The following ECE2 variants were observed in gnomAD, a reference collection of about 807,000 sequenced individuals.
ECE2 encodes endothelin-converting enzyme 2.
In ECE2, 81 loss-of-function variants were observed where a neutral mutation model predicts 100.6. That is an observed-to-expected ratio of 0.81 (90% CI 0.67 to 0.97). The LOEUF (loss-of-function observed/expected upper bound fraction) is 0.97, where lower values mean the gene tolerates loss of function less well. Ranked by LOEUF, ECE2 falls within the 50% of genes least tolerant of loss-of-function variation. The pLI is 0.00. For synonymous variants in ECE2, 391 were observed against 391.5 expected (o/e 1.00, Z 0.02); for missense variants, 911 against 988.1 (o/e 0.92, Z 1.05).
intron 7 of ECE2, among the ~76,000 whole-genome samples, chr3:184,282,352 T>C (rs980048616): frequency 6.7e-5 from 10 of 150,036 alleles, no homozygotes; most frequent in African/African-American, 2.2e-4. Flanking sequence ...TTAAGGGATC[T>C]AAAACTTCTT....
chr3:184,284,874 G>A (rs1468130483), intron 8 of ECE2, 89 bp from the exon 9 acceptor site: 3 of 1,519,802 alleles, frequency 2.0e-6, no homozygotes, highest in Non-Finnish European at 1.8e-6. Context: ...TATGGCAATG[G>A]GAAGGGCTCC....
chr3:184,287,888 G>T lies in ECE2; in HGVS notation c.1315G>T (p.Gly439Cys). ...TCISNTDDAL[G>C]FALGSLFVKA... Reference sequence around the variant, plus strand: ...CATCTCCAACACGGATGACGCCCTTGGCTTTGCTTTGGGGTCCCTCTTCGT... The same window carrying T: ...CATCTCCAACACGGATGACGCCCTTTGCTTTGCTTTGGGGTCCCTCTTCGT... Residue 439 changes from glycine (G) to cysteine (C), a missense_variant, in exon 11 of 19, where the codon GGC (glycine) becomes TGC (cysteine). By Grantham distance (159) the Gly-to-Cys change is radical. Coordinates refer to ENST00000404464, the MANE Select transcript of ECE2 (RefSeq NM_001100121.2). 1.2e-6 allele frequency: 2 copies of T among 1,614,210 alleles called. No homozygotes were observed. The highest frequency in any genetic ancestry group is 1.7e-6 in the Non-Finnish European group (2 of 1,180,022).
intron 9 of ECE2, 53 bp from the exon 10 acceptor site, chr3:184,285,425 G>A (rs1387658236): frequency 1.5e-6 from 2 of 1,345,074 alleles, no homozygotes; most frequent in East Asian, 2.3e-5. Flanking sequence ...TGGTTTGAGG[G>A]GTGTGAAGGG....
In ECE2 at chr3:184,291,965, G is replaced by C; in HGVS notation, c.2122-97G>C. 7.1e-7 allele frequency: 1 copy of C among 1,402,524 alleles called. No individual in the cohort carries two copies. Among genetic ancestry groups the C allele is most frequent in the Non-Finnish European group, 9.8e-7 (1 of 1,024,788 alleles). The allele number at this position is 1,402,524 out of a possible 1,614,324, so 86.9% of individuals were successfully genotyped here. A position where few individuals can be genotyped will look rare whatever the true frequency, so the allele number is the denominator to read the frequency against. On this transcript the variant is annotated intron_variant, in intron 18 of 18. Coordinates refer to ENST00000404464, the MANE Select transcript of ECE2 (RefSeq NM_001100121.2). This position sits in a 1 kb window ranked among gnomAD's most constrained non-coding sequence, Gnocchi z 4.1. Reference sequence around the variant, plus strand: ...TGGAAGGAACTTGGGAGGGGCTGCAGCGGTGGTGGTTTGTGCCCCTGGGAT... The same window carrying C: ...TGGAAGGAACTTGGGAGGGGCTGCACCGGTGGTGGTTTGTGCCCCTGGGAT...
intron 7 of ECE2, 64 bp from the exon 8 acceptor site, chr3:184,283,721 G>A: frequency 1.9e-6 from 3 of 1,544,682 alleles, no homozygotes; most frequent in Non-Finnish European, 2.6e-6. Flanking sequence ...GTGGTGGTAA[G>A]AACAGATCTC....
intron 13 of ECE2, 108 bp from the exon 14 acceptor site, chr3:184,290,147 G>A (rs1721242522): frequency 3.5e-6 from 3 of 845,968 alleles, no homozygotes; most frequent in Non-Finnish European, 5.6e-6. Flanking sequence ...ATATTTTACA[G>A]TTGAGGAAAC....
chr3:184,284,806 C>T (rs1720961419), intron 8 of ECE2, among the ~76,000 whole-genome samples, 157 bp from the exon 9 acceptor site: 1 of 152,104 alleles, frequency 6.6e-6, no homozygotes, highest in African/African-American at 2.4e-5. Flanking sequence ...TGGAGGTGTC[C>T]AGGCCTGGAA....
chr3:184,277,639 T>C (rs1294061443), intron 4 of ECE2, among the ~76,000 whole-genome samples, 173 bp downstream of exon 4: 1 of 152,082 alleles, frequency 6.6e-6, no homozygotes, highest in African/African-American at 2.4e-5. Flanking sequence ...GCAGATGGGT[T>C]TGATGGGGGC....
At chr3:184,285,377 C>G (rs1261240649) in intron 9 of ECE2, 101 bp from the exon 10 acceptor site, 2 of 993,188 alleles carry the variant, frequency 2.0e-6, no homozygotes, top group East Asian at 4.9e-5. Context: ...TCCACATATG[C>G]CTCTCGGGAC....
At chr3:184,280,509 G>C (rs1256708277) in intron 7 of ECE2, among the ~76,000 whole-genome samples, 1 of 152,166 alleles carries the variant, frequency 6.6e-6, no homozygotes, top group Non-Finnish European at 1.5e-5. Flanking sequence ...GAGTCCTGAA[G>C]AGAGAATAAG....
chr3:184,278,313 G>A lies in ECE2; in HGVS notation c.750G>A (p.Gln250=). 1 of 1,613,824 alleles carries A rather than the reference G, an allele frequency of 6.2e-7. No individual in the cohort carries two copies. Among genetic ancestry groups the A allele is most frequent in the Non-Finnish European group, 8.5e-7 (1 of 1,179,854 alleles). Residue 250 remains glutamine, a splice_region_variant and synonymous_variant, in exon 6 of 19, where the codon CAG becomes CAA. Coordinates refer to ENST00000404464, the MANE Select transcript of ECE2 (RefSeq NM_001100121.2). Reference sequence around the variant, plus strand: ...AGAGTTCCAACAGCAATGTTATCCAGGTGATGAGCTGGGAAAGGGTGGGGA... The same window carrying A: ...AGAGTTCCAACAGCAATGTTATCCAAGTGATGAGCTGGGAAAGGGTGGGGA... The part of the protein sequence containing the change: ...DSKSSNSNVI[Q]VDQSGLFLPS...
In ECE2 at chr3:184,284,001, C is replaced by T. The variant is rs745858545; in HGVS notation, c.1005+28C>T. ...GGGGCAGGCAGGGGGCTGGAGACAA[C>T]TGAGAGGGGCCAGCCTTGGCATGGA... On this transcript the variant is annotated intron_variant, in intron 8 of 18. Coordinates refer to ENST00000404464, the MANE Select transcript of ECE2 (RefSeq NM_001100121.2). The T allele has an allele frequency of 7.4e-6, 12 of 1,610,858 alleles. No individual in the cohort carries two copies. In the South Asian group the frequency reaches 1.2e-4, roughly 16 times the overall value.
At position 184,285,506 on chromosome 3, in the gene ECE2, C is replaced by T. The variant is rs1259056681; in HGVS notation, c.1177C>T (p.Leu393=). ...CCTGAACAATTACCTGATCTGGAAC[C>T]TGGTGCAAAAGACAACCTCAAGCCT... ...SILNNYLIWN[L]VQKTTSSLDR... The change falls in exon 10 of 19, where the codon CTG becomes TTG. Residue 393 remains leucine (L), a synonymous_variant. Coordinates refer to ENST00000404464, the MANE Select transcript of ECE2 (RefSeq NM_001100121.2). 1 of 1,614,168 alleles carries T rather than the reference C, an allele frequency of 6.2e-7. No individual in the cohort carries two copies. Among genetic ancestry groups the T allele is most frequent in the Non-Finnish European group, 8.5e-7 (1 of 1,180,030 alleles).
chr3:184,287,835 A>G lies in ECE2; in HGVS notation c.1264-2A>G, dbSNP rs767461716. ...GGGTCCTGGCTCTTTGTCCTTTAAC[A>G]GTCCTGTGTGCCGAGGTGGCAGACC... On this transcript the variant is annotated splice_acceptor_variant, in intron 10 of 18. Coordinates refer to ENST00000404464, the MANE Select transcript of ECE2 (RefSeq NM_001100121.2). LOFTEE classifies it high-confidence loss of function. 34 of 1,613,886 alleles carry G rather than the reference A, an allele frequency of 2.1e-5. No homozygotes were observed. Among genetic ancestry groups the G allele is most frequent in the Admixed American group, 8.3e-5 (5 of 60,002 alleles).
intron 10 of ECE2, among the ~76,000 whole-genome samples, chr3:184,286,847 C>T (rs146625144): frequency 9.4e-4 from 140 of 148,588 alleles, no homozygotes; most frequent in African/African-American, 3.3e-3. Context: ...GTGGCTCGTG[C>T]CTGTAATCAG....
chr3:184,278,641 A>G (rs756440641), intron 7 of ECE2, 84 bp downstream of exon 7: 1 of 1,471,116 alleles, frequency 6.8e-7, no homozygotes, highest in Non-Finnish European at 9.4e-7. Context: ...GCCAAGGGTC[A>G]GAGCAGGGAA....
At chr3:184,276,615 G>A in intron 2 of ECE2, 48 bp downstream of exon 2, 2 of 1,590,012 alleles carry the variant, frequency 1.3e-6, no homozygotes, top group South Asian at 1.1e-5. Flanking sequence ...GCCCTGGCAT[G>A]ACGCCTGGCA....
chr3:184,277,871 TC>T, intron 4 of ECE2, 53 bp from the exon 5 acceptor site: 2 of 1,595,140 alleles, frequency 1.3e-6, no homozygotes, highest in Admixed American at 1.7e-5. Flanking sequence ...GGCCAGGGAC[TC>T]CCCCTCAGCA....
Position 184,291,649 on chromosome 3 carries a change from G to GCTCCC in ECE2, c.2121+211_2121+212insTCCCC, listed in dbSNP as rs954749673. 9.4e-6 allele frequency: 5 copies of GCTCCC among 529,906 alleles called. No individual in the cohort carries two copies. The highest frequency in any genetic ancestry group is 1.7e-5 in the Non-Finnish European group (5 of 302,410). 32.8% of individuals were successfully genotyped at this position (529,906 alleles called of 1,614,324 possible). A position where few individuals can be genotyped will look rare whatever the true frequency, so the allele number is the denominator to read the frequency against. ...CCTGAAGAGGCCTGAGCGGGAGAAT[G>GCTCCC]CCTTGGTAGGATTTCGCATAGTTCA... is the stretch of plus-strand genomic sequence containing the variant. On this transcript the variant is annotated intron_variant, in intron 18 of 18. Coordinates refer to ENST00000404464, the MANE Select transcript of ECE2 (RefSeq NM_001100121.2). This position sits in a 1 kb window ranked among gnomAD's most constrained non-coding sequence, Gnocchi z 4.1.
Sources: allele counts gnomAD v4.1 joint callset (sites outside exome capture counted in the v4.1 genomes callset), GRCh38; gene constraint gnomAD v4.1.1; non-coding constraint Gnocchi (gnomAD v3.1); transcripts MANE v1.5; gene names NCBI Gene and HGNC (gene_info 2026-07-23, HGNC 2026-07-21).